The following CADPS2 variants were observed in gnomAD, a reference collection of about 807,000 sequenced individuals.
CADPS2 encodes calcium dependent secretion activator 2.
Under a neutral mutation model 172.5 loss-of-function variants are expected in CADPS2, and 93 were observed. That is an observed-to-expected ratio of 0.54 (90% CI 0.46 to 0.64). The LOEUF (loss-of-function observed/expected upper bound fraction) is 0.64, where lower values mean the gene tolerates loss of function less well. Among genes scored for constraint, CADPS2 ranks in the 30% least tolerant of loss-of-function variants. The pLI is 0.00. For synonymous variants in CADPS2, 546 were observed against 555.2 expected, an observed-to-expected ratio of 0.98 and a Z score of 0.23; for missense variants, 1,420 against 1,565.9, an observed-to-expected ratio of 0.91 and a Z score of 1.57.
At position 122,423,923 on chromosome 7, in the gene CADPS2, A is replaced by G. The variant is rs6956554; in HGVS notation, c.2477-7759T>C. On this transcript the variant is annotated intron_variant, in intron 17 of 29. Coordinates refer to ENST00000449022, the MANE Select transcript of CADPS2 (RefSeq NM_017954.11). ...CAAAGTTAAAAAACAAAGGTGACCT[A>G]CGTAAACTTTGATTATTTCCTCCTT... is the stretch of plus-strand genomic sequence containing the variant. 1.2e-4 allele frequency among the ~76,000 whole-genome samples: 19 copies of G among 152,254 alleles called. No homozygotes were observed. In the South Asian group the frequency reaches 3.9e-3, roughly 32 times the overall value.
chr7:122,694,944 T>C (rs984777573), intron 2 of CADPS2, among the ~76,000 whole-genome samples: 3 of 152,190 alleles, frequency 2.0e-5, no homozygotes, highest in East Asian at 3.9e-4. Flanking sequence ...TTTCTCCCAG[T>C]TGATACCTAC....
chr7:122,860,958 A>C (rs1480839611), intron 1 of CADPS2, among the ~76,000 whole-genome samples: 1 of 152,202 alleles, frequency 6.6e-6, no homozygotes, highest in Non-Finnish European at 1.5e-5. Context: ...GTTAAATAGT[A>C]ATGGTATGAG....
At chr7:122,674,151 C>T (rs898368778) in intron 2 of CADPS2, among the ~76,000 whole-genome samples, 3 of 152,156 alleles carry the variant, frequency 2.0e-5, no homozygotes, top group African/African-American at 4.8e-5. Context: ...CATGCCCACC[C>T]GGAACTCACG....
intron 2 of CADPS2, among the ~76,000 whole-genome samples, chr7:122,679,265 T>TGTGGGGGGG (rs71161322): frequency 1.5e-4 from 6 of 39,234 alleles, no homozygotes; most frequent in Admixed American, 3.4e-4. Context: ...AATGCATTCC[T>TGTGGGGGGG]GGGGGGGGGG....
chr7:122,883,937 T>C (rs1823612850), intron 1 of CADPS2, among the ~76,000 whole-genome samples: 1 of 152,182 alleles, frequency 6.6e-6, no homozygotes, highest in South Asian at 2.1e-4. Flanking sequence ...CCCAGTAGTA[T>C]TGTGAATGCA....
chr7:122,403,202 A>G (rs2046180057), intron 20 of CADPS2, among the ~76,000 whole-genome samples: 1 of 152,196 alleles, frequency 6.6e-6, no homozygotes, highest in Non-Finnish European at 1.5e-5. Context: ...TTTATCAGCT[A>G]CTCAGTGGTA....
intron 24 of CADPS2, chr7:122,386,220 GAAAAT>G: frequency 9.8e-7 from 1 of 1,022,506 alleles, no homozygotes. Context: ...TTGAAAAGAT[GAAAAT>G]AAAAAATATA....
chr7:122,626,192 A>G (rs188970709), intron 4 of CADPS2, among the ~76,000 whole-genome samples: 1 of 152,124 alleles, frequency 6.6e-6, no homozygotes, highest in African/African-American at 2.4e-5. Context: ...TTTTTTTCTC[A>G]GCAACATAGG....
chr7:122,452,204 T>A (rs1275329715), intron 14 of CADPS2, among the ~76,000 whole-genome samples: 1 of 152,230 alleles, frequency 6.6e-6, no homozygotes, highest in Non-Finnish European at 1.5e-5. Context: ...TTATTCTGTA[T>A]CAATTTAGGT....
chr7:122,388,870 A>G (rs1321764864), intron 22 of CADPS2, 132 bp from the exon 23 acceptor site: 4 of 825,694 alleles, frequency 4.8e-6, no homozygotes, highest in South Asian at 6.2e-5. Flanking sequence ...TAATGATCCA[A>G]TATTTTCTTT....
Position 122,821,929 on chromosome 7 carries a change from C to T in CADPS2, c.339+64070G>A, listed in dbSNP as rs1803424217. 2.6e-5 allele frequency among the ~76,000 whole-genome samples: 4 copies of T among 152,142 alleles called. No individual in the cohort carries two copies. In the South Asian group the frequency reaches 8.3e-4, roughly 32 times the overall value. ...TGTATAGATGCTCCTTTTTATTAGG[C>T]CCCAGTCTCATTCCAGACACCAGAC... On this transcript the variant is annotated intron_variant, in intron 1 of 29. Transcript: ENST00000449022.
intron 1 of CADPS2, among the ~76,000 whole-genome samples, chr7:122,871,422 C>T (rs1487914231): frequency 6.6e-6 from 1 of 151,540 alleles, no homozygotes; most frequent in Non-Finnish European, 1.5e-5. Flanking sequence ...AACAAAAGCA[C>T]AACAAATACA....
chr7:122,350,487 T>TTA (rs1374901231), intron 27 of CADPS2, among the ~76,000 whole-genome samples: 1 of 152,190 alleles, frequency 6.6e-6, no homozygotes, highest in South Asian at 2.1e-4. Context: ...TTTAAATAAG[T>TTA]TATATGTTCT....
chr7:122,730,127 T>C (rs529400426), intron 2 of CADPS2, among the ~76,000 whole-genome samples: 55 of 151,842 alleles, frequency 3.6e-4, no homozygotes, highest in African/African-American at 1.3e-3. Flanking sequence ...TCTTAGTGTA[T>C]AAACAATGCC....
At chr7:122,424,190 C>T in intron 17 of CADPS2, 1 of 297,044 alleles carries the variant, frequency 3.4e-6, no homozygotes, top group Middle Eastern at 1.7e-3. Flanking sequence ...CCATGGCTTC[C>T]TTTGGGACCA....
At chr7:122,626,451 G>A (rs1240256884) in intron 4 of CADPS2, among the ~76,000 whole-genome samples, 1 of 152,182 alleles carries the variant, frequency 6.6e-6, no homozygotes, top group Non-Finnish European at 1.5e-5. Context: ...ATGATTCCAA[G>A]TTTTTTGGCC....
At chr7:122,346,960 A>G (rs1271169170) in intron 27 of CADPS2, among the ~76,000 whole-genome samples, 13 of 152,200 alleles carry the variant, frequency 8.5e-5, no homozygotes, top group Non-Finnish European at 7.3e-5. Context: ...GAACAAAATG[A>G]TAACTATCTA....
intron 8 of CADPS2, among the ~76,000 whole-genome samples, chr7:122,538,404 T>TAA (rs769070728): frequency 1.3e-4 from 18 of 135,280 alleles, no homozygotes; most frequent in Admixed American, 5.2e-4. Flanking sequence ...TTAATTAGTT[T>TAA]AAAAAAAAAA....
intron 1 of CADPS2, among the ~76,000 whole-genome samples, chr7:122,847,449 C>T (rs927158970): frequency 6.6e-6 from 1 of 152,192 alleles, no homozygotes; most frequent in African/African-American, 2.4e-5. Context: ...TGATTAAACT[C>T]CTTTCAACTC....
Sources: gnomAD v4.1 joint callset for allele counts (sites outside exome capture counted in the v4.1 genomes callset) on GRCh38, gnomAD v4.1.1 for gene constraint, MANE v1.5 for transcripts, NCBI Gene and HGNC (gene_info 2026-07-23, HGNC 2026-07-21) for gene names.